MED23: variants seen among roughly 807,000 people sequenced by gnomAD.
The protein encoded by MED23 is mediator of RNA polymerase II transcription subunit 23.
A neutral mutation model predicts 163.9 loss-of-function variants in MED23; 105 were observed. The ratio of observed to expected loss-of-function variants is 0.64; its 90% CI spans 0.55 to 0.75. The LOEUF is 0.75. Among genes scored for constraint, MED23 ranks in the 30% least tolerant of loss-of-function variants. MED23 has a pLI of 0.00. For synonymous variants in MED23, 561 were observed against 565.6 expected, an observed-to-expected ratio of 0.99 and a Z score of 0.12; for missense variants, 1,054 against 1,649.0, an observed-to-expected ratio of 0.64 and a Z score of 6.25.
intron 15 of MED23, 71 bp from the exon 16 acceptor site, chr6:131,603,275 A>G: frequency 7.1e-7 from 1 of 1,405,062 alleles, no homozygotes; most frequent in South Asian, 1.2e-5. Flanking sequence ...GAAGAAAGTC[A>G]CATTGAGTAA....
exon 31 of MED23, chr6:131,574,138 ATC>A: frequency 2.2e-6 from 2 of 894,054 alleles, no homozygotes; most frequent in Admixed American, 3.8e-5. Context: ...TTCAACACGC[ATC>A]TGTGCTTAAA....
chr6:131,607,066 AT>A (rs1313409427), intron 12 of MED23, among the ~76,000 whole-genome samples: 7 of 152,190 alleles, frequency 4.6e-5, no homozygotes, highest in African/African-American at 2.4e-5. Context: ...AAATAATTAC[AT>A]TTAAACATAT....
At chr6:131,619,672 G>A (rs1378880342) in intron 8 of MED23, among the ~76,000 whole-genome samples, 155 bp downstream of exon 8, 1 of 152,094 alleles carries the variant, frequency 6.6e-6, no homozygotes, top group Non-Finnish European at 1.5e-5. Flanking sequence ...CAGAGTAAGT[G>A]AAAACAAGGG....
chr6:131,613,301 G>A (rs1218020120), intron 10 of MED23, among the ~76,000 whole-genome samples: 4 of 152,138 alleles, frequency 2.6e-5, no homozygotes, highest in African/African-American at 9.7e-5. Context: ...ATTGTGAGTT[G>A]AAGTCTAACG....
At chr6:131,602,761 G>C (rs1331038272) in intron 16 of MED23, among the ~76,000 whole-genome samples, 1 of 152,052 alleles carries the variant, frequency 6.6e-6, no homozygotes, top group Non-Finnish European at 1.5e-5. Context: ...AAAGGGCTAA[G>C]TTACAACATA....
At chr6:131,589,762 G>A (rs971099663) in intron 27 of MED23, among the ~76,000 whole-genome samples, 166 bp from the exon 28 acceptor site, 7 of 151,492 alleles carry the variant, frequency 4.6e-5, no homozygotes, top group Admixed American at 2.6e-4. Flanking sequence ...GATATGGCTT[G>A]CATTTATAAA....
intron 24 of MED23, chr6:131,592,667 CATT>C (rs1453722068): frequency 3.3e-6 from 2 of 610,316 alleles, no homozygotes; most frequent in East Asian, 5.5e-5. Context: ...CCTCCCCAAT[CATT>C]ATCCCATACT....
intron 6 of MED23, 104 bp from the exon 7 acceptor site, chr6:131,620,833 G>C (rs1777046165): frequency 1.6e-6 from 1 of 637,920 alleles, no homozygotes; most frequent in Non-Finnish European, 2.6e-6. Context: ...ACAGGGTCTT[G>C]CTCTGTTGCC....
At chr6:131,591,578 A>G (rs1455421805) in intron 25 of MED23, 51 bp from the exon 26 acceptor site, 2 of 1,330,188 alleles carry the variant, frequency 1.5e-6, no homozygotes, top group East Asian at 2.3e-5. Flanking sequence ...CCAGCATTCC[A>G]CCCCAAAGTC....
chr6:131,591,557 A>G, intron 25 of MED23, 30 bp from the exon 26 acceptor site: 2 of 1,493,244 alleles, frequency 1.3e-6, no homozygotes, highest in Non-Finnish European at 1.9e-6. Context: ...CTAGTGAAAA[A>G]TATCACTTAT....
chr6:131,592,817 T>C (rs1774744675), intron 24 of MED23, 189 bp downstream of exon 24: 1 of 686,478 alleles, frequency 1.5e-6, no homozygotes, highest in Admixed American at 2.6e-5. Context: ...CAAACCCGGA[T>C]CTTAGGATCC....
In MED23 at chr6:131,606,661, G is replaced by C. The variant is rs941913545; in HGVS notation, c.1222-37C>G. On this transcript the variant is annotated intron_variant, in intron 12 of 28. Coordinates refer to ENST00000368068, the MANE Select transcript of MED23 (RefSeq NM_004830.4). ...CAATTTGAAAAATAACACAATAGAA[G>C]AAAGAGAAGAATTAAATAATTATGT... 2.0e-6 allele frequency: 3 copies of C among 1,490,404 alleles called. No homozygotes were observed. The South Asian group carries it at 3.5e-5, about 17-fold the overall frequency. 92.3% of individuals were successfully genotyped at this position (1,490,404 alleles called of 1,614,324 possible).
intron 10 of MED23, among the ~76,000 whole-genome samples, chr6:131,613,666 C>A (rs1053440597): frequency 6.6e-6 from 1 of 152,088 alleles, no homozygotes; most frequent in Non-Finnish European, 1.5e-5. Flanking sequence ...TCTATGAAAA[C>A]GATTACTGAT....
chr6:131,597,630 A>G (rs1389032592), intron 20 of MED23, among the ~76,000 whole-genome samples: 2 of 151,716 alleles, frequency 1.3e-5, no homozygotes, highest in African/African-American at 4.9e-5. Context: ...ACTTACTGCT[A>G]CTTCCTCCCT....
At chr6:131,618,126 TAATC>T (rs144311740) in intron 9 of MED23, among the ~76,000 whole-genome samples, 2,886 of 152,290 alleles carry the variant, frequency 0.019, 96 homozygotes, top group African/African-American at 0.064. Context: ...TGTGAGGACT[TAATC>T]AAGGAATCAA....
At position 131,586,812 on chromosome 6, in the gene MED23, A is replaced by C. The variant is rs1371728727; in HGVS notation, c.*867T>G. The C allele has an allele frequency of 6.6e-7, 1 of 1,516,652 alleles. No individual in the cohort carries two copies. The highest frequency in any genetic ancestry group is 8.9e-7 in the Non-Finnish European group (1 of 1,125,648). 93.9% of individuals were successfully genotyped at this position (1,516,652 alleles called of 1,614,324 possible). ...AGTCTTTCGCAATGCCAATTCCCCCAAAATTAACAATGTCTCTCAAAATCC... is the reference window on the plus strand; with the variant it reads ...AGTCTTTCGCAATGCCAATTCCCCCCAAATTAACAATGTCTCTCAAAATCC... On this transcript the variant is annotated 3_prime_UTR_variant, in exon 29 of 29. Coordinates refer to ENST00000368068, the MANE Select transcript of MED23 (RefSeq NM_004830.4).
At position 131,594,195 on chromosome 6, in the gene MED23, C is replaced by T; in HGVS notation, c.3136G>A (p.Asp1046Asn). Residue 1046 changes from aspartate to asparagine, a missense_variant, in exon 23 of 29, where the codon GAC (aspartate) becomes AAC (asparagine). By Grantham distance (23) the Asp-to-Asn change is conservative (BLOSUM62 1). Coordinates refer to ENST00000368068, the MANE Select transcript of MED23 (RefSeq NM_004830.4). ...TTCATAGCGCATTTCAGGTAAGTGT[C>T]ACTTAGACACCAGCCCTGCGGTCGA... ...DNRPQGWCLS[D>N]TYLKCAMNAR... The T allele has an allele frequency of 6.2e-7, 1 of 1,614,164 alleles. No individual in the cohort carries two copies. The highest frequency in any genetic ancestry group is 1.1e-5 in the South Asian group (1 of 91,082).
At chr6:131,584,197 C>T (rs1402223512), downstream of MED23, 1 of 397,526 alleles carries the variant, frequency 2.5e-6, no homozygotes, top group African/African-American at 2.1e-5. Flanking sequence ...AAAATAAGCA[C>T]ACTTACATAA....
At chr6:131,578,478 C>T (rs955249016) in intron 30 of MED23, among the ~76,000 whole-genome samples, 2 of 152,144 alleles carry the variant, frequency 1.3e-5, no homozygotes, top group Admixed American at 6.6e-5. Flanking sequence ...TTGGGGTTAC[C>T]TGCAATTTTT....
Sources: allele counts gnomAD v4.1 joint callset (sites outside exome capture counted in the v4.1 genomes callset), GRCh38; gene constraint gnomAD v4.1.1; transcripts MANE v1.5; gene names NCBI Gene and HGNC (gene_info 2026-07-23, HGNC 2026-07-21).